UPF3A: variants seen among roughly 807,000 people sequenced by gnomAD.
UPF3A encodes regulator of nonsense transcripts 3A.
In UPF3A, 42 loss-of-function variants were observed where a neutral mutation model predicts 53.5. That is an observed-to-expected ratio of 0.78 (90% CI 0.61 to 1.01). The LOEUF is 1.01. Ranked by LOEUF, UPF3A falls within the 50% of genes least tolerant of loss-of-function variation. The pLI is 0.00. For synonymous variants in UPF3A, 237 were observed against 225.3 expected (o/e 1.05, Z -0.47); for missense variants, 575 against 598.0 (o/e 0.96, Z 0.40).
rs929843697 is a variant in UPF3A at position 114,301,426 on chromosome 13, T to A, written c.1008-305T>A. ...TTCAGTGAGCTGAGATCCCGCCATT[T>A]TACTCCAGCCTGGGCAACAGAGCGA... is the stretch of plus-strand genomic sequence containing the variant. On this transcript the variant is annotated intron_variant, in intron 8 of 9. Transcript: ENST00000375299. Among the ~76,000 whole-genome samples the A allele has an allele frequency of 4.0e-5, 6 of 151,602 alleles. No individual in the cohort carries two copies. The East Asian group carries it at 1.2e-3, about 30-fold the overall frequency.
At chr13:114,301,055 A>G (rs2086563017) in intron 8 of UPF3A, among the ~76,000 whole-genome samples, 1 of 149,834 alleles carries the variant, frequency 6.7e-6, no homozygotes, top group Non-Finnish European at 1.5e-5. Flanking sequence ...AGGTGATCCC[A>G]CCCACCTTGG....
intron 3 of UPF3A, 72 bp from the exon 4 acceptor site, chr13:114,286,230 T>A (rs2084675360): frequency 6.3e-7 from 1 of 1,589,352 alleles, no homozygotes; most frequent in Admixed American, 1.8e-5. Flanking sequence ...TTAAGTAAGT[T>A]AGGTCATTAT....
rs1410401734 is a variant in UPF3A at position 114,286,645 on chromosome 13, TTCTTC to T, written c.631+21_631+25del. ...GAGCTCATTGGTCTGTTTTGCTCAT[TTCTTC>T]TCTTTTCTTTATTGAGAGATTTACT... On this transcript the variant is annotated intron_variant, in intron 5 of 9. Coordinates refer to ENST00000375299, the MANE Select transcript of UPF3A (RefSeq NM_023011.4). 6.4e-7 allele frequency: 1 copy of T among 1,572,392 alleles called. No homozygotes were observed. The highest frequency in any genetic ancestry group is 1.9e-5 in the Admixed American group (1 of 53,800).
In UPF3A at chr13:114,301,819, G is replaced by A. The variant is rs368934136; in HGVS notation, c.1096G>A (p.Gly366Ser). The change falls in exon 9 of 10, where the codon GGC becomes AGC. Residue 366 changes from glycine (G) to serine (S), a missense_variant. Coordinates refer to ENST00000375299, the MANE Select transcript of UPF3A (RefSeq NM_023011.4). ...AGCACAAAGATACCATGTGGATGAC[G>A]GCAGGAGGCACAGAGCTCACCACGA... ...SEAQRYHVDD[G>S]RRHRAHHEPE... The A allele has an allele frequency of 5.1e-5, 82 of 1,613,674 alleles. No individual in the cohort carries two copies. The highest frequency in any genetic ancestry group is 3.0e-4 in the Admixed American group (18 of 59,980).
chr13:114,294,849 A>G (rs1466815265), intron 7 of UPF3A, among the ~76,000 whole-genome samples: 2 of 143,824 alleles, frequency 1.4e-5, no homozygotes, highest in South Asian at 2.2e-4. Flanking sequence ...GCGGTGGCTC[A>G]CACCTGTAAT....
chr13:114,297,401 T>G (rs2086151498), intron 7 of UPF3A, among the ~76,000 whole-genome samples: 1 of 152,322 alleles, frequency 6.6e-6, no homozygotes, highest in South Asian at 2.1e-4. Flanking sequence ...CTATAAACTA[T>G]TCTAAAAATC....
chr13:114,295,680 T>G (rs1011604131), intron 7 of UPF3A, among the ~76,000 whole-genome samples: 3 of 152,238 alleles, frequency 2.0e-5, no homozygotes, highest in African/African-American at 7.2e-5. Context: ...TGTTTCCTTT[T>G]TCATATTTTT....
At chr13:114,301,348 A>G (rs1375099043) in intron 8 of UPF3A, among the ~76,000 whole-genome samples, 1 of 151,944 alleles carries the variant, frequency 6.6e-6, no homozygotes, top group Admixed American at 6.6e-5. Flanking sequence ...CTGTAGTCCC[A>G]GCTACTCGGG....
rs1332802131 is a variant in UPF3A at position 114,281,848 on chromosome 13, T to TGGGGAC, written c.207+7_207+12dup. The TGGGGAC allele has an allele frequency of 1.5e-6, 2 of 1,370,530 alleles. No homozygotes were observed. Among genetic ancestry groups the TGGGGAC allele is most frequent in the African/African-American group, 1.7e-5 (1 of 59,400 alleles). 84.9% of individuals were successfully genotyped at this position (1,370,530 alleles called of 1,614,324 possible). A position where few individuals can be genotyped will look rare whatever the true frequency, so the allele number is the denominator to read the frequency against. On this transcript the variant is annotated splice_region_variant and intron_variant, in intron 1 of 9. Transcript: ENST00000375299. ...GAGAAGAGGACGGCCCTGAGCAAGG[T>TGGGGAC]GGGGACGGGGGCGGGGCGCGCAAAC...
intron 8 of UPF3A, among the ~76,000 whole-genome samples, chr13:114,300,591 G>A (rs943537246): frequency 3.3e-5 from 5 of 151,390 alleles, no homozygotes; most frequent in Non-Finnish European, 7.4e-5. Flanking sequence ...CCAGGTTGGA[G>A]TGCAATGGTG....
chr13:114,299,690 G>A (rs1281145575), intron 8 of UPF3A, among the ~76,000 whole-genome samples: 2 of 152,338 alleles, frequency 1.3e-5, no homozygotes, highest in South Asian at 2.1e-4. Context: ...TGCCAGTCAG[G>A]AGGGATCCTG....
chr13:114,295,507 C>T (rs2085870425), intron 7 of UPF3A, among the ~76,000 whole-genome samples: 1 of 152,222 alleles, frequency 6.6e-6, no homozygotes, highest in Non-Finnish European at 1.5e-5. Context: ...ACAGGGACTT[C>T]CCCAGATGTG....
At chr13:114,296,320 T>A (rs1483202434) in intron 7 of UPF3A, among the ~76,000 whole-genome samples, 1 of 151,956 alleles carries the variant, frequency 6.6e-6, no homozygotes, top group East Asian at 1.9e-4. Context: ...GAGGCGAAGG[T>A]ACAGTGAGCC....
intron 8 of UPF3A, among the ~76,000 whole-genome samples, chr13:114,299,657 G>T (rs559322397): frequency 3.7e-4 from 57 of 152,332 alleles, no homozygotes; most frequent in Admixed American, 5.9e-4. Context: ...TATCTGCCCG[G>T]TGGGCCAGAG....
intron 9 of UPF3A, among the ~76,000 whole-genome samples, chr13:114,304,517 A>G (rs2086868142): frequency 6.6e-6 from 1 of 152,170 alleles, no homozygotes; most frequent in Non-Finnish European, 1.5e-5. Context: ...CCCAACTCAG[A>G]GGGGGACGTC....
intron 7 of UPF3A, among the ~76,000 whole-genome samples, chr13:114,296,261 T>C (rs146348927): frequency 0.029 from 4,342 of 152,220 alleles, 216 homozygotes; most frequent in African/African-American, 0.1. Flanking sequence ...CGCATGCCTG[T>C]AGTCCCAGTT....
intron 4 of UPF3A, 33 bp from the exon 5 acceptor site, chr13:114,286,486 A>G (rs1177989202): frequency 2.5e-6 from 4 of 1,610,114 alleles, no homozygotes; most frequent in Non-Finnish European, 3.4e-6. Context: ...GGGAAAGATT[A>G]TATTTATTTT....
intron 7 of UPF3A, among the ~76,000 whole-genome samples, chr13:114,295,343 C>CTGGTT (rs2085805029): frequency 7.7e-6 from 1 of 130,116 alleles, no homozygotes; most frequent in Non-Finnish European, 1.7e-5. Context: ...CTCTGGCCTG[C>CTGGTT]TCCCCAGCTC....
intron 9 of UPF3A, 21 bp downstream of exon 9, chr13:114,302,046 G>A (rs758931372): frequency 2.7e-6 from 4 of 1,504,546 alleles, no homozygotes; most frequent in Non-Finnish European, 3.6e-6. Flanking sequence ...AACCCAAAAA[G>A]AAAAATGTGT....
Sources: allele counts gnomAD v4.1 joint callset (sites outside exome capture counted in the v4.1 genomes callset), GRCh38; gene constraint gnomAD v4.1.1; transcripts MANE v1.5; gene names NCBI Gene and HGNC (gene_info 2026-07-23, HGNC 2026-07-21).